The following STAG3 variants were observed in gnomAD, a reference collection of about 807,000 sequenced individuals.
The protein encoded by STAG3 is cohesin subunit SA-3.
Under a neutral mutation model 160.7 loss-of-function variants are expected in STAG3, and 101 were observed. That is an observed-to-expected ratio of 0.63 (90% confidence interval 0.54 to 0.74). The LOEUF is 0.74. STAG3 is among the 30% of genes least tolerant of loss of function. The pLI is 0.00. For missense variants in STAG3, 1,188 were observed against 1,517.4 expected (o/e 0.78, Z 3.61); for synonymous variants, 519 against 585.0 (o/e 0.89, Z 1.63).
chr7:100,201,237 TA>T lies in STAG3; in HGVS notation c.2133-26del, dbSNP rs766668888. 19 of 1,614,014 alleles carry T rather than the reference TA, an allele frequency of 1.2e-5. 1 individual carries two copies. The Admixed American group carries it at 2.0e-4, about 17-fold the overall frequency. On this transcript the variant is annotated intron_variant, in intron 20 of 33. Transcript: ENST00000615138. ...GTTGGTTCCCTCTGTTCTTTTCCAG[TA>T]TAACATTCCCCTTTCTCCCCCAAAG... is the stretch of plus-strand genomic sequence containing the variant.
At chr7:100,201,029 G>A (rs1281375053) in intron 19 of STAG3, 60 bp downstream of exon 19, 57 of 1,613,792 alleles carry the variant, frequency 3.5e-5, no homozygotes, top group Middle Eastern at 1.6e-4. Flanking sequence ...GCTGCAAGAC[G>A]GGGGATGTGG....
Position 100,180,568 on chromosome 7 carries a change from G to A in STAG3, c.12G>A (p.Pro4=), listed in dbSNP as rs2272339. ...CCTCCTCTCCAAGCATGTCTTCCCC[G>A]TTGCAAAGAGCTGTGGGAGATACCA... MSS[P]LQRAVGDTKR... The change falls in exon 2 of 34, where the codon CCG becomes CCA. Residue 4 remains proline (P), a synonymous_variant. Transcript: ENST00000615138. 1.7e-5 allele frequency: 27 copies of A among 1,608,156 alleles called. No homozygotes were observed. Among genetic ancestry groups the A allele is most frequent in the Middle Eastern group, 1.7e-4 (1 of 6,052 alleles).
downstream of STAG3, among the ~76,000 whole-genome samples, chr7:100,216,235 T>C (rs1802739252): frequency 6.6e-6 from 1 of 152,198 alleles, no homozygotes; most frequent in Non-Finnish European, 1.5e-5. Flanking sequence ...TATGTAGCCA[T>C]AGCAACCGGA....
rs1308534271 is a variant in STAG3, at chr7:100,180,546, C to G, written c.-11C>G. 1.3e-6 allele frequency: 2 copies of G among 1,551,606 alleles called. No individual in the cohort carries two copies. The highest frequency in any genetic ancestry group is 1.8e-6 in the Non-Finnish European group (2 of 1,122,538). ...TCATCTTCCTGGCCTCATAGCTCCT[C>G]CTCTCCAAGCATGTCTTCCCCGTTG... On this transcript the variant is annotated 5_prime_UTR_variant, in exon 2 of 34. Transcript: ENST00000615138.
chr7:100,181,179 T>C (rs1385023827), intron 2 of STAG3, among the ~76,000 whole-genome samples: 4 of 152,192 alleles, frequency 2.6e-5, no homozygotes, highest in Admixed American at 6.5e-5. Flanking sequence ...ATTTTGTAAA[T>C]AGGTCTGTGT....
intron 4 of STAG3, among the ~76,000 whole-genome samples, chr7:100,184,453 C>T (rs955618477): frequency 5.6e-5 from 8 of 143,134 alleles, no homozygotes; most frequent in African/African-American, 2.1e-4. Flanking sequence ...TGCAGTTGTA[C>T]AGCGTGTTAG....
At position 100,205,331 on chromosome 7, in the gene STAG3, C is replaced by G. The variant is rs1215261512; in HGVS notation, c.3185C>G (p.Thr1062Arg). 6.2e-7 allele frequency: 1 copy of G among 1,614,188 alleles called. No homozygotes were observed. Among genetic ancestry groups the G allele is most frequent in the Admixed American group, 1.7e-5 (1 of 60,016 alleles). ...CACTCCCTCAGCCCTGTGGAGAACA[C>G]AGCAGAGACCAGCCCTCAGGTCCTC... ...YCHSLSPVEN[T>R]AETSPQVLPS... Residue 1062 changes from threonine (T) to arginine (R), a missense_variant, in exon 29 of 34, where the codon ACA (threonine) becomes AGA (arginine). Transcript: ENST00000615138.
chr7:100,201,701 T>TC, intron 21 of STAG3, 85 bp from the exon 22 acceptor site: 1 of 1,158,150 alleles, frequency 8.6e-7, no homozygotes, highest in East Asian at 2.3e-5. Context: ...ACTCATTTTC[T>TC]CTCCTCTTCA....
intron 8 of STAG3, among the ~76,000 whole-genome samples, chr7:100,194,077 A>G (rs1464260193): frequency 3.3e-5 from 5 of 150,752 alleles, no homozygotes; most frequent in African/African-American, 7.3e-5. Context: ...CCTCCTGAGT[A>G]GGTGGGGTTA....
Position 100,201,179 on chromosome 7 carries a change from C to T in STAG3, c.2132+19C>T. 3 of 1,614,220 alleles carry T rather than the reference C, an allele frequency of 1.9e-6. No individual in the cohort carries two copies. Among genetic ancestry groups the T allele is most frequent in the Non-Finnish European group, 2.5e-6 (3 of 1,180,030 alleles). ...TCTACAAGTGAGTGGCTTTCCTCCTCTTCCCCATCCCGTTTTTACTGGTGT... is the reference window on the plus strand; with the variant it reads ...TCTACAAGTGAGTGGCTTTCCTCCTTTTCCCCATCCCGTTTTTACTGGTGT... On this transcript the variant is annotated intron_variant, in intron 20 of 33. Coordinates refer to ENST00000615138, the MANE Select transcript of STAG3 (RefSeq NM_001282717.2).
chr7:100,200,549 A>T lies in STAG3; in HGVS notation c.1860+7A>T. 2 of 1,613,610 alleles carry T rather than the reference A, an allele frequency of 1.2e-6. No homozygotes were observed. Among genetic ancestry groups the T allele is most frequent in the Non-Finnish European group, 1.7e-6 (2 of 1,179,884 alleles). On this transcript the variant is annotated splice_region_variant and intron_variant, in intron 18 of 33. Transcript: ENST00000615138. ...CACTGGGCGCTTGGAGAAGGTAGGG[A>T]GATAGATTTCCTATACCTTGCTGCT...
chr7:100,195,375 C>T lies in STAG3; in HGVS notation c.934C>T (p.Arg312Trp), dbSNP rs1431493418. ...NALFRGVFVH[R>W]YRDVLPEIRA... ...CCTCTTCAGGGGTGTCTTTGTTCATCGGTACAGGTGAGCTAATGGGCCTCT... is the reference window on the plus strand; with the variant it reads ...CCTCTTCAGGGGTGTCTTTGTTCATTGGTACAGGTGAGCTAATGGGCCTCT... Residue 312 changes from arginine (R) to tryptophan (W), a missense_variant, in exon 9 of 34, where the codon CGG becomes TGG. Physicochemically the swap from Arg to Trp is moderately radical, Grantham distance 101. Transcript: ENST00000615138. The T allele has an allele frequency of 7.4e-6, 12 of 1,613,964 alleles. 1 individual carries two copies. Among genetic ancestry groups the T allele is most frequent in the East Asian group, 6.7e-5 (3 of 44,882 alleles).
intron 21 of STAG3, 175 bp downstream of exon 21, chr7:100,201,526 C>T (rs1801133934): frequency 1.6e-6 from 1 of 644,664 alleles, no homozygotes; most frequent in Non-Finnish European, 2.7e-6. Flanking sequence ...GACTCTACTT[C>T]CAGGGTCTTC....
downstream of STAG3, chr7:100,214,863 C>T (rs1374490481): frequency 6.6e-6 from 1 of 152,052 alleles, no homozygotes; most frequent in African/African-American, 2.4e-5. Context: ...ACAATGTCAC[C>T]TTCACTCTTG....
At chr7:100,197,325 C>T (rs1469330998) in intron 10 of STAG3, 46 bp downstream of exon 10, 2 of 1,600,332 alleles carry the variant, frequency 1.2e-6, no homozygotes, top group Middle Eastern at 4.6e-4. Flanking sequence ...CATCTTTTTC[C>T]TGTCCTAGGA....
At chr7:100,216,372 TGAC>T (rs1244002333), downstream of STAG3, among the ~76,000 whole-genome samples, 1 of 152,074 alleles carries the variant, frequency 6.6e-6, no homozygotes, top group Non-Finnish European at 1.5e-5. Flanking sequence ...TAACATGAGT[TGAC>T]GAAATAAGTG....
chr7:100,202,405 G>T (rs368476873), intron 24 of STAG3, 49 bp from the exon 25 acceptor site: 1 of 1,609,608 alleles, frequency 6.2e-7, no homozygotes, highest in Non-Finnish European at 8.5e-7. Flanking sequence ...AGAAATATAG[G>T]GCAGGAAGCT....
At chr7:100,182,890 G>C in intron 4 of STAG3, 51 bp downstream of exon 4, 1 of 1,597,496 alleles carries the variant, frequency 6.3e-7, no homozygotes, top group Non-Finnish European at 8.6e-7. Context: ...TTGTAAGGTG[G>C]TAAGGACAAG....
intron 30 of STAG3, 87 bp downstream of exon 30, chr7:100,211,272 C>G (rs1563007562): frequency 2.7e-6 from 4 of 1,504,312 alleles, no homozygotes; most frequent in Non-Finnish European, 3.6e-6. Context: ...TCATGGTTCC[C>G]TGCTGTAGCA....
Sources: gnomAD v4.1 joint callset for allele counts (sites outside exome capture counted in the v4.1 genomes callset) on GRCh38, gnomAD v4.1.1 for gene constraint, MANE v1.5 for transcripts, NCBI Gene and HGNC (gene_info 2026-07-23, HGNC 2026-07-21) for gene names.